Variants in LHX8 observed in about 807,000 individuals in gnomAD.
The protein encoded by LHX8 is LIM/homeobox protein Lhx8.
A neutral mutation model predicts 40.3 loss-of-function variants in LHX8; 12 were observed. That is an observed-to-expected ratio of 0.30 (90% confidence interval 0.19 to 0.48). LHX8 has a LOEUF of 0.48. LHX8 is among the 20% of genes least tolerant of loss of function. LHX8 has a pLI of 0.99. For missense variants in LHX8, 344 were observed against 433.7 expected (o/e 0.79, Z 1.84); for synonymous variants, 179 against 162.0 (o/e 1.10, Z -0.80).
At chr1:75,199,010 A>G in the LHX8 span, among the ~76,000 whole-genome samples, 1 of 152,162 alleles carries the variant, frequency 6.6e-6, no homozygotes, top group Non-Finnish European at 1.5e-5. Flanking sequence ...TTGGGACATC[A>G]TTCTTTTTTG....
the LHX8 span, among the ~76,000 whole-genome samples, chr1:75,179,078 T>A: frequency 6.6e-5 from 10 of 152,122 alleles, no homozygotes; most frequent in Non-Finnish European, 7.3e-5. Context: ...TGCTGAGGAG[T>A]GCTTTACTTC....
chr1:75,136,740 C>T (rs1383512003), intron 2 of LHX8, 51 bp downstream of exon 2: 1 of 1,447,878 alleles, frequency 6.9e-7, no homozygotes, highest in Admixed American at 2.0e-5. Context: ...GGGGAGGCGG[C>T]GCAGGACGAA....
the LHX8 span, among the ~76,000 whole-genome samples, chr1:75,187,852 A>T: frequency 6.6e-6 from 1 of 152,188 alleles, no homozygotes; most frequent in African/African-American, 2.4e-5. Context: ...AAGGAGAAAC[A>T]GTTGGACTAG....
At chr1:75,179,833 G>A in the LHX8 span, among the ~76,000 whole-genome samples, 1 of 152,122 alleles carries the variant, frequency 6.6e-6, no homozygotes, top group Non-Finnish European at 1.5e-5. Context: ...GGTACCGGTT[G>A]TTCCTTTCCA....
Position 75,136,644 on chromosome 1 carries a change from C to T in LHX8, c.30C>T (p.Ala10=), listed in dbSNP as rs752511205. 8 of 1,549,438 alleles carry T rather than the reference C, an allele frequency of 5.2e-6. No individual in the cohort carries two copies. Among genetic ancestry groups the T allele is most frequent in the Middle Eastern group, 1.7e-4 (1 of 5,996 alleles). Residue 10 remains alanine, a synonymous_variant, in exon 2 of 9, where the codon GCC becomes GCT. Coordinates refer to ENST00000356261, the MANE Select transcript of LHX8 (RefSeq NM_001256114.2). The stretch of plus-strand genomic sequence containing the variant: ...CAGAGGAGTGCGGGCGGACTACAGC[C>T]CTGGCGGCCGGGAGGACTCGCAAAG... MSEECGRTT[A]LAAGRTRKGA...
chr1:75,177,070 A>C, the LHX8 span, among the ~76,000 whole-genome samples: 1 of 152,108 alleles, frequency 6.6e-6, no homozygotes, highest in Non-Finnish European at 1.5e-5. Flanking sequence ...TTTTTTGATC[A>C]CTATAGCCTT....
At chr1:75,176,402 T>C in the LHX8 span, among the ~76,000 whole-genome samples, 1 of 152,226 alleles carries the variant, frequency 6.6e-6, no homozygotes, top group Non-Finnish European at 1.5e-5. Flanking sequence ...TGGTTTTGAT[T>C]TGCATTTCTC....
Position 75,143,873 on chromosome 1 carries a change from C to T in LHX8, c.609C>T (p.Leu203=). Residue 203 remains leucine (L), a synonymous_variant, in exon 6 of 9, where the codon CTC becomes CTT. Coordinates refer to ENST00000356261, the MANE Select transcript of LHX8 (RefSeq NM_001256114.2). ...NGNGISVEGA[L]LTEQDVNHPK... ...ATGGGATTAGTGTGGAAGGTGCCCTCCTCACAGAGCAAGATGTTAACCATC... is the reference window on the plus strand; with the variant it reads ...ATGGGATTAGTGTGGAAGGTGCCCTTCTCACAGAGCAAGATGTTAACCATC... 2.5e-6 allele frequency: 4 copies of T among 1,613,270 alleles called. No homozygotes were observed. Among genetic ancestry groups the T allele is most frequent in the Non-Finnish European group, 3.4e-6 (4 of 1,179,430 alleles).
In LHX8 at chr1:75,160,877, G is replaced by A. The variant is rs867126189; in HGVS notation, c.1023G>A (p.Leu341=). Residue 341 remains leucine, a synonymous_variant, in exon 9 of 9, where the codon CTG becomes CTA. Transcript: ENST00000356261. ...TGTTACCCCATTCAATGACACAACT[G>A]CCAATAAGTCATACCTAATTCTTTT... ...QPLLPHSMTQ[L]PISHT The A allele has an allele frequency of 6.2e-7, 1 of 1,611,758 alleles. No homozygotes were observed. The highest frequency in any genetic ancestry group is 1.7e-4 in the Middle Eastern group (1 of 6,060).
At chr1:75,168,379 C>G in the LHX8 span, among the ~76,000 whole-genome samples, 1 of 152,128 alleles carries the variant, frequency 6.6e-6, no homozygotes, top group East Asian at 1.9e-4. Context: ...CCCACCTCCA[C>G]ACTTGGCTAA....
the LHX8 span, among the ~76,000 whole-genome samples, chr1:75,193,604 T>G: frequency 1 from 152,287 of 152,330 alleles, 76,122 homozygotes; most frequent in Middle Eastern, 1. Flanking sequence ...CTATGCTTCT[T>G]TTCTTTCCTG....
At chr1:75,188,404 C>T in the LHX8 span, among the ~76,000 whole-genome samples, 1 of 152,162 alleles carries the variant, frequency 6.6e-6, no homozygotes, top group African/African-American at 2.4e-5. Flanking sequence ...TCTATAGAGT[C>T]TAGTCCAGCC....
chr1:75,179,094 AT>A, the LHX8 span, among the ~76,000 whole-genome samples: 2 of 152,124 alleles, frequency 1.3e-5, no homozygotes, highest in Admixed American at 1.3e-4. Flanking sequence ...ACTTCCAACT[AT>A]GTGGTCAATT....
In LHX8 at chr1:75,136,645, C is replaced by T; in HGVS notation, c.31C>T (p.Leu11=). Residue 11 remains leucine (L), a synonymous_variant, in exon 2 of 9, where the codon CTG becomes TTG. Coordinates refer to ENST00000356261, the MANE Select transcript of LHX8 (RefSeq NM_001256114.2). MSEECGRTTA[L]AAGRTRKGAG... ...AGAGGAGTGCGGGCGGACTACAGCCCTGGCGGCCGGGAGGACTCGCAAAGG... is the reference window on the plus strand; with the variant it reads ...AGAGGAGTGCGGGCGGACTACAGCCTTGGCGGCCGGGAGGACTCGCAAAGG... 6.5e-7 allele frequency: 1 copy of T among 1,549,506 alleles called. No homozygotes were observed. The highest frequency in any genetic ancestry group is 8.7e-7 in the Non-Finnish European group (1 of 1,146,752).
At chr1:75,139,218 T>C (rs1648242250) in intron 3 of LHX8, among the ~76,000 whole-genome samples, 1 of 152,206 alleles carries the variant, frequency 6.6e-6, no homozygotes, top group Admixed American at 6.5e-5. Context: ...CGGGTAGTTT[T>C]TCTGGCTTGG....
the LHX8 span, among the ~76,000 whole-genome samples, chr1:75,170,722 A>G: frequency 6.6e-6 from 1 of 152,178 alleles, no homozygotes; most frequent in Non-Finnish European, 1.5e-5. Context: ...TGGGGTAAGG[A>G]TCAGAAGTCT....
intron 2 of LHX8, 82 bp from the exon 3 acceptor site, chr1:75,137,018 C>T: frequency 4.8e-6 from 5 of 1,042,784 alleles, no homozygotes; most frequent in Non-Finnish European, 5.9e-6. Flanking sequence ...GGAGGGGAGG[C>T]GGTGGGGGCG....
In LHX8 at chr1:75,143,088, A is replaced by T. The variant is rs775116820; in HGVS notation, c.360-30A>T. 9.5e-6 allele frequency: 15 copies of T among 1,572,328 alleles called. No homozygotes were observed. In the African/African-American group the frequency reaches 1.8e-4, roughly 18 times the overall value. The stretch of plus-strand genomic sequence containing the variant: ...TGAATATCTCACCAGGCATTAAAAT[A>T]TTTACCTTCCACACCTCTATTTAAT... On this transcript the variant is annotated intron_variant, in intron 4 of 8. Coordinates refer to ENST00000356261, the MANE Select transcript of LHX8 (RefSeq NM_001256114.2).
intron 3 of LHX8, among the ~76,000 whole-genome samples, chr1:75,138,372 C>T (rs1281274130): frequency 6.6e-6 from 1 of 152,130 alleles, no homozygotes; most frequent in African/African-American, 2.4e-5. Flanking sequence ...ACATACAAAG[C>T]TTCTTCATCT....
Sources: allele counts gnomAD v4.1 joint callset (sites outside exome capture counted in the v4.1 genomes callset), GRCh38; gene constraint gnomAD v4.1.1; transcripts MANE v1.5; gene names NCBI Gene and HGNC (gene_info 2026-07-23, HGNC 2026-07-21).